ARL17A: variants seen among roughly 807,000 people sequenced by gnomAD.
ARL17A encodes ADP-ribosylation factor-like 17-like.
At chr17:46,548,749 A>T (rs371532921), downstream of ARL17A, 43 of 1,610,698 alleles carry the variant, frequency 2.7e-5, 1 homozygote, top group Non-Finnish European at 3.5e-5. Context: ...TGCCGAAGAA[A>T]AAAGGCTCGG....
At chr17:46,500,595 G>T in the ARL17A span, among the ~76,000 whole-genome samples, 1 of 150,808 alleles carries the variant, frequency 6.6e-6, no homozygotes, top group Admixed American at 6.6e-5. Flanking sequence ...AGAAACTGCA[G>T]ATCCTGATTT....
At chr17:46,533,235 T>C (rs1057215766) in intron 4 of ARL17A, among the ~76,000 whole-genome samples, 9 of 99,370 alleles carry the variant, frequency 9.1e-5, no homozygotes, top group African/African-American at 3.6e-4. Flanking sequence ...CTGGGCAACA[T>C]AGTGAGACCC....
downstream of ARL17A, chr17:46,550,412 TA>T: frequency 2.6e-6 from 2 of 758,068 alleles, no homozygotes; most frequent in East Asian, 2.7e-5. Context: ...TTTTTTTTTT[TA>T]GCTCAAAAAA....
chr17:46,541,776 G>C (rs1286201241), intron 3 of ARL17A, among the ~76,000 whole-genome samples: 1 of 150,926 alleles, frequency 6.6e-6, no homozygotes, highest in Non-Finnish European at 1.5e-5. Context: ...CACTGTATTA[G>C]GTACTTAGAG....
At chr17:46,533,505 T>C (rs1443695922) in intron 4 of ARL17A, among the ~76,000 whole-genome samples, 2 of 147,218 alleles carry the variant, frequency 1.4e-5, no homozygotes, top group Non-Finnish European at 1.5e-5. Context: ...TCTTTTTTTT[T>C]TTTTTCTTTA....
intron 3 of ARL17A, among the ~76,000 whole-genome samples, chr17:46,544,381 A>G (rs1304486144): frequency 2.1e-3 from 2 of 952 alleles, no homozygotes; most frequent in African/African-American, 0.016. Context: ...TTCTGTTTTC[A>G]TAGTCTTAAT....
chr17:46,501,238 C>A, the ARL17A span, among the ~76,000 whole-genome samples: 1 of 151,020 alleles, frequency 6.6e-6, no homozygotes, highest in Non-Finnish European at 1.5e-5. Flanking sequence ...GGCAGTGGTG[C>A]GATCTTGGCT....
downstream of ARL17A, chr17:46,548,919 C>G: frequency 6.2e-7 from 1 of 1,612,672 alleles, no homozygotes; most frequent in East Asian, 2.2e-5. Flanking sequence ...CTACCTCCAG[C>G]CCTGCAAAAG....
chr17:46,518,676 C>G (rs1238737809), intron 3 of ARL17A, among the ~76,000 whole-genome samples: 13 of 53,994 alleles, frequency 2.4e-4, no homozygotes, highest in African/African-American at 1.1e-3. Flanking sequence ...AATTTAGTAT[C>G]TTTATATGTT....
intron 4 of ARL17A, among the ~76,000 whole-genome samples, chr17:46,534,895 G>C (rs1325186822): frequency 6.7e-6 from 1 of 149,702 alleles, no homozygotes; most frequent in Non-Finnish European, 1.5e-5. Flanking sequence ...AGACGGGGCG[G>C]CTGCTGGGCG....
downstream of ARL17A, among the ~76,000 whole-genome samples, chr17:46,550,759 T>C (rs138841665): frequency 7.0e-4 from 61 of 86,674 alleles, 14 homozygotes; most frequent in Middle Eastern, 0.016. Context: ...CACTAGACTA[T>C]TTTAAGAAGT....
chr17:46,534,310 AG>A (rs2054224533), intron 4 of ARL17A, among the ~76,000 whole-genome samples: 1 of 142,100 alleles, frequency 7.0e-6, no homozygotes, highest in Non-Finnish European at 1.5e-5. Flanking sequence ...AAGTGAACAA[AG>A]GTCTCTGGTT....
downstream of ARL17A, chr17:46,548,698 AT>A (rs2056455659): frequency 6.2e-7 from 1 of 1,609,090 alleles, no homozygotes; most frequent in Non-Finnish European, 8.5e-7. Flanking sequence ...AAGGCAGAGC[AT>A]CAGGAGGGAA....
chr17:46,558,186 A>G (rs2057387072), intron 3 of ARL17A, among the ~76,000 whole-genome samples: 1 of 108,314 alleles, frequency 9.2e-6, no homozygotes, highest in Admixed American at 9.3e-5. Context: ...CAGCCTCCCT[A>G]GTAGCTGGGG....
At chr17:46,537,410 G>A (rs1974920) in intron 4 of ARL17A, 2 of 318 alleles carry the variant, frequency 6.3e-3, no homozygotes, top group South Asian at 9.1e-3. Flanking sequence ...CTCGTGATCC[G>A]CCTGCCTCAG....
At chr17:46,511,292 T>G in the ARL17A span, among the ~76,000 whole-genome samples, 1 of 106,956 alleles carries the variant, frequency 9.3e-6, no homozygotes, top group East Asian at 2.7e-4. Context: ...AATTTTTCCC[T>G]GTAAAATAAT....
rs553459969 is a variant in ARL17A, at chr17:46,541,546, C to A, written c.260-3120G>T. Among the ~76,000 whole-genome samples the A allele has an allele frequency of 1.1e-4, 16 of 150,864 alleles. No individual in the cohort carries two copies. In the East Asian group the frequency reaches 1.6e-3, roughly 15 times the overall value. On this transcript the variant is annotated intron_variant, in intron 3 of 4. Transcript: ENST00000329240. ...GGATTACAGATAAGATCCACCTTGC[C>A]TGGCCTCACTCAGCAGAATTTTTTT...
At chr17:46,535,285 T>A (rs2054517011) in intron 4 of ARL17A, among the ~76,000 whole-genome samples, 1 of 145,558 alleles carries the variant, frequency 6.9e-6, no homozygotes, top group South Asian at 2.1e-4. Context: ...GCTTTCAAGA[T>A]ATTCTGTCTT....
At chr17:46,541,904 C>G (rs559268759) in intron 3 of ARL17A, among the ~76,000 whole-genome samples, 1 of 148,766 alleles carries the variant, frequency 6.7e-6, no homozygotes. Flanking sequence ...CGAGGGACAA[C>G]TGTTCACTCC....
Sources: allele counts gnomAD v4.1 joint callset (sites outside exome capture counted in the v4.1 genomes callset), GRCh38; gene constraint gnomAD v4.1.1; transcripts MANE v1.5; gene names NCBI Gene and HGNC (gene_info 2026-07-23, HGNC 2026-07-21).